The following CNMD variants were observed in gnomAD, a reference collection of about 807,000 sequenced individuals.
CNMD encodes the protein leukocyte cell-derived chemotaxin 1.
CNMD carries 30 observed loss-of-function variants against 37.5 expected under a neutral mutation model. The observed-to-expected ratio is 0.80, with a 90% CI of 0.60 to 1.09. The LOEUF is 1.09. Among genes scored for constraint, CNMD ranks in the 50% least tolerant of loss-of-function variants. The pLI is 0.00. For missense variants in CNMD, 398 were observed against 423.9 expected (o/e 0.94, Z 0.54); for synonymous variants, 167 against 148.2 (o/e 1.13, Z -0.92).
Position 52,739,747 on chromosome 13 carries a change from C to T in CNMD, c.-46G>A. 1 of 1,536,336 alleles carries T rather than the reference C, an allele frequency of 6.5e-7. No homozygotes were observed. The highest frequency in any genetic ancestry group is 2.3e-5 in the East Asian group (1 of 44,422). On this transcript the variant is annotated 5_prime_UTR_variant, in exon 1 of 7. Coordinates refer to ENST00000377962, the MANE Select transcript of CNMD (RefSeq NM_007015.3). The surrounding 1 kb of genome is among the most constrained non-coding windows in gnomAD (Gnocchi z 5.4). Reference sequence around the variant, plus strand: ...GGCACTTGGAGACTCCCTGGGCACCCTGGGATCTGTCCCGCTGCCCCGACG... The same window carrying T: ...GGCACTTGGAGACTCCCTGGGCACCTTGGGATCTGTCCCGCTGCCCCGACG...
chr13:52,734,575 T>G (rs1224858832), intron 2 of CNMD, among the ~76,000 whole-genome samples: 3 of 151,912 alleles, frequency 2.0e-5, no homozygotes, highest in African/African-American at 7.2e-5. Context: ...GGGTTTCTTT[T>G]TTTTTTGGAT....
chr13:52,714,746 T>C lies in CNMD; in HGVS notation c.469-1877A>G, dbSNP rs189781718. On this transcript the variant is annotated intron_variant, in intron 4 of 6. Coordinates refer to ENST00000377962, the MANE Select transcript of CNMD (RefSeq NM_007015.3). Reference sequence around the variant, plus strand: ...ACAATAATAAGCATGTACAACAGGATAATTTCCCTTATAGAAAGACTATCA... The same window carrying C: ...ACAATAATAAGCATGTACAACAGGACAATTTCCCTTATAGAAAGACTATCA... 6.0e-4 allele frequency among the ~76,000 whole-genome samples: 92 copies of C among 152,140 alleles called. 1 individual carries two copies. Among genetic ancestry groups the C allele is most frequent in the East Asian group, 3.9e-4 (2 of 5,188 alleles).
chr13:52,730,573 G>A (rs1320917489), intron 3 of CNMD, among the ~76,000 whole-genome samples: 2 of 152,136 alleles, frequency 1.3e-5, no homozygotes, highest in African/African-American at 4.8e-5. Flanking sequence ...CTGATGGCCA[G>A]TGATGATGAG....
intron 5 of CNMD, among the ~76,000 whole-genome samples, chr13:52,710,179 A>G (rs1229625703): frequency 6.6e-6 from 1 of 152,220 alleles, no homozygotes; most frequent in Non-Finnish European, 1.5e-5. Context: ...TTTGTTATTT[A>G]GGAGAACTAA....
intron 6 of CNMD, among the ~76,000 whole-genome samples, chr13:52,708,049 T>A (rs377473256): frequency 6.6e-6 from 1 of 152,066 alleles, no homozygotes; most frequent in East Asian, 1.9e-4. Flanking sequence ...TGGGAGGCGA[T>A]TCCCAGGCAG....
intron 2 of CNMD, among the ~76,000 whole-genome samples, chr13:52,736,015 A>G (rs1594291955): frequency 1.3e-5 from 2 of 148,580 alleles, no homozygotes; most frequent in South Asian, 4.2e-4. Flanking sequence ...TTTTTTTGAG[A>G]CGGAGTCTTG....
rs749026391 is a variant in CNMD at position 52,739,123 on chromosome 13, TG to T, written c.120del (p.Lys41ArgfsTer39). On this transcript the variant is annotated frameshift_variant, in exon 2 of 7. Coordinates refer to ENST00000377962, the MANE Select transcript of CNMD (RefSeq NM_007015.3). LOFTEE classifies it high-confidence loss of function. This position sits in a 1 kb window ranked among gnomAD's most constrained non-coding sequence, Gnocchi z 5.4. ...GAAATGAGGACCACGGCTCCCACCT[TG>T]AGCAGCCGCGCGGGGCTGGAGGGCT... ...TVKPSSPARL[L>X]KVGAVVLISG... 1.3e-5 allele frequency: 21 copies of T among 1,560,470 alleles called. No homozygotes were observed. In the East Asian group the frequency reaches 5.4e-4, roughly 40 times the overall value.
intron 3 of CNMD, among the ~76,000 whole-genome samples, chr13:52,732,345 T>A (rs1237695574): frequency 1.3e-5 from 2 of 152,166 alleles, no homozygotes; most frequent in Admixed American, 1.3e-4. Flanking sequence ...GCATAAAATA[T>A]TTATGTTGGC....
At position 52,739,362 on chromosome 13, in the gene CNMD, T is replaced by C; in HGVS notation, c.73-191A>G. 1.4e-6 allele frequency: 1 copy of C among 721,966 alleles called. No individual in the cohort carries two copies. Among genetic ancestry groups the C allele is most frequent in the Non-Finnish European group, 2.2e-6 (1 of 458,422 alleles). The allele number at this position is 721,966 out of a possible 1,614,324, so 44.7% of individuals were successfully genotyped here. A position where few individuals can be genotyped will look rare whatever the true frequency, so the allele number is the denominator to read the frequency against. On this transcript the variant is annotated intron_variant, in intron 1 of 6. Coordinates refer to ENST00000377962, the MANE Select transcript of CNMD (RefSeq NM_007015.3). The surrounding 1 kb of genome is among the most constrained non-coding windows in gnomAD (Gnocchi z 5.4). ...GGTCCTTTGCAGTCGGGCGTGGAAG[T>C]GGGATGAGCAAACCCCGCAGCACAG... is the stretch of plus-strand genomic sequence containing the variant.
chr13:52,729,340 A>C (rs1481449725), intron 3 of CNMD, among the ~76,000 whole-genome samples: 2 of 152,170 alleles, frequency 1.3e-5, no homozygotes, highest in African/African-American at 4.8e-5. Context: ...GAGGAAAAAA[A>C]CCTGTTTGTA....
Position 52,739,413 on chromosome 13 carries a change from T to C in CNMD, c.72+217A>G. 4.5e-6 allele frequency: 3 copies of C among 666,192 alleles called. 1 individual carries two copies. In the South Asian group the frequency reaches 5.6e-5, roughly 13 times the overall value. The allele number at this position is 666,192 out of a possible 1,614,324, so 41.3% of individuals were successfully genotyped here. On this transcript the variant is annotated intron_variant, in intron 1 of 6. Coordinates refer to ENST00000377962, the MANE Select transcript of CNMD (RefSeq NM_007015.3). This position sits in a 1 kb window ranked among gnomAD's most constrained non-coding sequence, Gnocchi z 5.4. ...GGCCTTCGCCCCAGGACCTGCACCC[T>C]CTACCGGCCACGGGACGTCCCTCCG... is the stretch of plus-strand genomic sequence containing the variant.
chr13:52,725,001 A>G (rs1964549194), intron 3 of CNMD, among the ~76,000 whole-genome samples: 1 of 152,240 alleles, frequency 6.6e-6, no homozygotes, highest in African/African-American at 2.4e-5. Flanking sequence ...GACAGACAGC[A>G]TAGTCAGGGG....
intron 4 of CNMD, among the ~76,000 whole-genome samples, chr13:52,723,085 T>C (rs1964509364): frequency 6.6e-6 from 1 of 151,758 alleles, no homozygotes; most frequent in Admixed American, 6.6e-5. Context: ...TATTGTGGAG[T>C]CTCTTTCGGG....
chr13:52,721,470 A>G (rs1964480528), intron 4 of CNMD, among the ~76,000 whole-genome samples: 1 of 152,238 alleles, frequency 6.6e-6, no homozygotes, highest in Non-Finnish European at 1.5e-5. Flanking sequence ...AGACCATGGG[A>G]AAAGCATAGT....
chr13:52,733,125 T>C (rs1566231860), intron 3 of CNMD, 94 bp downstream of exon 3: 2 of 1,226,720 alleles, frequency 1.6e-6, no homozygotes, highest in Non-Finnish European at 2.4e-6. Flanking sequence ...CAGTTACCAT[T>C]TGGATGTGTG....
At chr13:52,718,469 T>C (rs986897021) in intron 4 of CNMD, among the ~76,000 whole-genome samples, 2 of 152,102 alleles carry the variant, frequency 1.3e-5, no homozygotes, top group East Asian at 1.9e-4. Context: ...CTTTCTCCTG[T>C]GGGCATTTTA....
intron 3 of CNMD, among the ~76,000 whole-genome samples, chr13:52,730,856 G>A (rs1398797501): frequency 2.0e-5 from 3 of 152,044 alleles, no homozygotes; most frequent in Admixed American, 6.5e-5. Context: ...GCTATCCTCC[G>A]TCGGGGGTTG....
Position 52,739,560 on chromosome 13 carries a change from G to T in CNMD, c.72+70C>A. On this transcript the variant is annotated intron_variant, in intron 1 of 6. Coordinates refer to ENST00000377962, the MANE Select transcript of CNMD (RefSeq NM_007015.3). This position sits in a 1 kb window ranked among gnomAD's most constrained non-coding sequence, Gnocchi z 5.4. ...CACCCATTCGGTGGCACGCACCCCT[G>T]AGTCCGAACTGTGGAACCTGATACT... is the stretch of plus-strand genomic sequence containing the variant. 7.2e-7 allele frequency: 1 copy of T among 1,395,770 alleles called. No homozygotes were observed. Among genetic ancestry groups the T allele is most frequent in the Non-Finnish European group, 1.0e-6 (1 of 983,256 alleles). 86.5% of individuals were successfully genotyped at this position (1,395,770 alleles called of 1,614,324 possible). A position where few individuals can be genotyped will look rare whatever the true frequency, so the allele number is the denominator to read the frequency against.
chr13:52,709,789 A>G (rs1051091697), intron 5 of CNMD, among the ~76,000 whole-genome samples: 29 of 152,312 alleles, frequency 1.9e-4, no homozygotes, highest in Admixed American at 1.8e-3. Context: ...CCTGGTCAAC[A>G]TGGTGAAACT....
Sources: gnomAD v4.1 joint callset for allele counts (sites outside exome capture counted in the v4.1 genomes callset) on GRCh38, gnomAD v4.1.1 for gene constraint, Gnocchi (gnomAD v3.1) non-coding constraint, MANE v1.5 for transcripts, NCBI Gene and HGNC (gene_info 2026-07-23, HGNC 2026-07-21) for gene names.